The following SDK1 variants were observed in gnomAD, a reference collection of about 807,000 sequenced individuals.
SDK1 encodes the protein sidekick cell adhesion molecule 1, also known as protein sidekick-1.
SDK1 carries 157 observed loss-of-function variants against 245.5 expected under a neutral mutation model. The ratio of observed to expected loss-of-function variants is 0.64; its 90% CI spans 0.56 to 0.73. SDK1 has a LOEUF of 0.73. SDK1 is among the 30% of genes least tolerant of loss of function. The pLI, the probability that SDK1 is intolerant of heterozygous loss-of-function variation, is 0.00. For missense variants in SDK1, 3,583 were observed against 3,002.3 expected (o/e 1.19, Z -4.52); for synonymous variants, 1,647 against 1,278.5 (o/e 1.29, Z -6.15).
chr7:4,143,609 T>C (rs1458153127), intron 28 of SDK1, among the ~76,000 whole-genome samples: 1 of 152,168 alleles, frequency 6.6e-6, no homozygotes, highest in Middle Eastern at 3.2e-3. Context: ...GGTGTGTCCT[T>C]CCTTTGAAGG....
At chr7:3,778,317 A>G (rs1003785563) in intron 4 of SDK1, among the ~76,000 whole-genome samples, 1 of 152,204 alleles carries the variant, frequency 6.6e-6, no homozygotes, top group African/African-American at 2.4e-5. Context: ...AAGCAAGGTG[A>G]TACTATATTT....
Position 4,083,583 on chromosome 7 carries a change from C to G in SDK1, c.3324+3999C>G, listed in dbSNP as rs1482639690. On this transcript the variant is annotated intron_variant, in intron 22 of 44. Coordinates refer to ENST00000404826, the MANE Select transcript of SDK1 (RefSeq NM_152744.4). ...CTTCCTTCCTTTTTGCCTCCCTCCT[C>G]CCTTCTTTCCTTCTTCTCTCCCTCC... 5.7e-5 allele frequency among the ~76,000 whole-genome samples: 5 copies of G among 87,942 alleles called. No individual in the cohort carries two copies. The Admixed American group carries it at 6.0e-4, about 11-fold the overall frequency. The allele number at this position is 87,942 out of a possible 152,430, so 57.7% of individuals were successfully genotyped here.
chr7:3,914,330 G>A (rs1053620614), intron 5 of SDK1, among the ~76,000 whole-genome samples: 6 of 152,104 alleles, frequency 3.9e-5, no homozygotes, highest in Non-Finnish European at 5.9e-5. Flanking sequence ...TTCTGCTTTC[G>A]GAAATCAGGA....
chr7:4,067,740 C>T (rs766366072), intron 19 of SDK1, 98 bp from the exon 20 acceptor site: 6 of 831,202 alleles, frequency 7.2e-6, no homozygotes, highest in Admixed American at 2.4e-5. Flanking sequence ...AGCCCCAGCT[C>T]ACCACTTTCC....
At chr7:4,159,637 C>G (rs1296129899) in intron 31 of SDK1, among the ~76,000 whole-genome samples, 1 of 152,178 alleles carries the variant, frequency 6.6e-6, no homozygotes, top group African/African-American at 2.4e-5. Flanking sequence ...ATGGGGTGGT[C>G]CAGGGCCCTA....
chr7:3,366,261 T>G (rs1781088330), intron 1 of SDK1, among the ~76,000 whole-genome samples: 1 of 152,188 alleles, frequency 6.6e-6, no homozygotes, highest in Non-Finnish European at 1.5e-5. Context: ...GGTAACCATT[T>G]TTATTACTTT....
chr7:3,670,031 C>T (rs1370876677), intron 4 of SDK1, among the ~76,000 whole-genome samples: 7 of 152,184 alleles, frequency 4.6e-5, no homozygotes, highest in Admixed American at 4.6e-4. Flanking sequence ...TATTGTACCA[C>T]ATGTTATCCC....
At chr7:3,975,092 C>T (rs1782809610) in intron 13 of SDK1, among the ~76,000 whole-genome samples, 1 of 152,180 alleles carries the variant, frequency 6.6e-6, no homozygotes, top group Non-Finnish European at 1.5e-5. Context: ...CCTGGGGGTT[C>T]CAAAGAGCCC....
chr7:3,510,549 A>G (rs1782546176), intron 1 of SDK1, among the ~76,000 whole-genome samples: 2 of 152,190 alleles, frequency 1.3e-5, no homozygotes, highest in South Asian at 2.1e-4. Context: ...CAAATGAGGA[A>G]CAGAAACTTC....
At chr7:3,657,904 G>A (rs574427594) in intron 4 of SDK1, among the ~76,000 whole-genome samples, 7 of 152,174 alleles carry the variant, frequency 4.6e-5, no homozygotes, top group African/African-American at 9.7e-5. Context: ...ACATAGAGCC[G>A]AGGATGGAGG....
chr7:4,244,793 C>T (rs985191177), intron 43 of SDK1, among the ~76,000 whole-genome samples: 5 of 152,180 alleles, frequency 3.3e-5, no homozygotes, highest in African/African-American at 1.2e-4. Flanking sequence ...TGGCAGCATG[C>T]ATTTCCTTGT....
intron 44 of SDK1, among the ~76,000 whole-genome samples, chr7:4,251,003 G>A (rs1303007850): frequency 1.3e-5 from 2 of 152,026 alleles, no homozygotes; most frequent in Admixed American, 6.5e-5. Context: ...TGCCTATCCT[G>A]AGCATTTCAT....
At chr7:4,070,063 T>C (rs1047341733) in intron 20 of SDK1, among the ~76,000 whole-genome samples, 2 of 152,242 alleles carry the variant, frequency 1.3e-5, no homozygotes, top group Non-Finnish European at 2.9e-5. Flanking sequence ...CAGAAATGCC[T>C]GACGGTTCTG....
At chr7:3,334,655 C>A (rs1780153711) in intron 1 of SDK1, among the ~76,000 whole-genome samples, 1 of 152,180 alleles carries the variant, frequency 6.6e-6, no homozygotes, top group East Asian at 1.9e-4. Context: ...ACTTTCCTGT[C>A]TTGCTGGTGG....
At chr7:3,389,987 G>T (rs141507027) in intron 1 of SDK1, among the ~76,000 whole-genome samples, 2 of 152,124 alleles carry the variant, frequency 1.3e-5, no homozygotes, top group Non-Finnish European at 2.9e-5. Context: ...CTTGTTATTG[G>T]TAAGTGGGGG....
intron 44 of SDK1, among the ~76,000 whole-genome samples, chr7:4,251,140 G>T (rs77620272): frequency 2.0e-5 from 3 of 152,074 alleles, no homozygotes; most frequent in African/African-American, 7.2e-5. Flanking sequence ...TATATTATAT[G>T]GGGGGAAATT....
intron 1 of SDK1, among the ~76,000 whole-genome samples, chr7:3,385,214 A>G (rs1350291252): frequency 1.3e-5 from 2 of 152,190 alleles, no homozygotes; most frequent in Non-Finnish European, 2.9e-5. Flanking sequence ...TCCTCTATGA[A>G]TTGATAATAC....
At chr7:3,756,594 T>C (rs921765033) in intron 4 of SDK1, among the ~76,000 whole-genome samples, 6 of 152,166 alleles carry the variant, frequency 3.9e-5, no homozygotes, top group Non-Finnish European at 7.3e-5. Context: ...TTATATTTCA[T>C]TTCAACAATT....
chr7:3,316,254 G>A (rs1300804162), intron 1 of SDK1, among the ~76,000 whole-genome samples: 1 of 152,116 alleles, frequency 6.6e-6, no homozygotes, highest in Non-Finnish European at 1.5e-5. Flanking sequence ...GGTCCTGAAA[G>A]ATTATAATTC....
Sources: allele counts gnomAD v4.1 joint callset (sites outside exome capture counted in the v4.1 genomes callset), GRCh38; gene constraint gnomAD v4.1.1; transcripts MANE v1.5; gene names NCBI Gene and HGNC (gene_info 2026-07-23, HGNC 2026-07-21).